Variants in PLCB4 observed in about 807,000 individuals in gnomAD.
PLCB4 encodes phospholipase C beta 4.
Under a neutral mutation model 178.8 loss-of-function variants are expected in PLCB4, and 77 were observed. The observed-to-expected ratio is 0.43, with a 90% confidence interval of 0.36 to 0.52. The LOEUF is 0.52. PLCB4 is among the 20% of genes least tolerant of loss of function. PLCB4 has a pLI of 0.00. For synonymous variants in PLCB4, 496 were observed against 490.8 expected, an observed-to-expected ratio of 1.01 and a Z score of -0.14; for missense variants, 1,024 against 1,453.4, an observed-to-expected ratio of 0.70 and a Z score of 4.80.
intron 1 of PLCB4, among the ~76,000 whole-genome samples, chr20:9,074,259 G>C (rs1169923929): frequency 6.6e-6 from 1 of 152,140 alleles, no homozygotes; most frequent in African/African-American, 2.4e-5. Flanking sequence ...ATGATACAGG[G>C]TACTGTTACT....
chr20:9,457,891 A>T (rs2043152798), intron 34 of PLCB4, among the ~76,000 whole-genome samples: 1 of 152,180 alleles, frequency 6.6e-6, no homozygotes, highest in Non-Finnish European at 1.5e-5. Context: ...TCCTAACTTT[A>T]CATGGAAATT....
At chr20:9,075,380 G>A (rs1046792744) in intron 1 of PLCB4, among the ~76,000 whole-genome samples, 1 of 152,138 alleles carries the variant, frequency 6.6e-6, no homozygotes, top group Non-Finnish European at 1.5e-5. Flanking sequence ...AAGAAATTGA[G>A]GATAAAACAA....
At chr20:9,298,218 C>A (rs941449888) in intron 3 of PLCB4, among the ~76,000 whole-genome samples, 2 of 152,164 alleles carry the variant, frequency 1.3e-5, no homozygotes, top group Non-Finnish European at 2.9e-5. Context: ...ATATCGTACC[C>A]ACTTTTGTCT....
chr20:9,120,306 T>C (rs538629036), intron 2 of PLCB4, among the ~76,000 whole-genome samples: 1 of 152,252 alleles, frequency 6.6e-6, no homozygotes, highest in East Asian at 1.9e-4. Context: ...CTTATTCAAA[T>C]TCCCATTTCA....
chr20:9,266,177 G>A (rs2094347109), intron 3 of PLCB4, among the ~76,000 whole-genome samples: 1 of 152,178 alleles, frequency 6.6e-6, no homozygotes, highest in Non-Finnish European at 1.5e-5. Flanking sequence ...GTCTCCTGAT[G>A]GGTCAACATT....
chr20:9,073,131 C>T lies in PLCB4; in HGVS notation c.-135+3925C>T, dbSNP rs189769526. Among the ~76,000 whole-genome samples the T allele has an allele frequency of 3.9e-5, 6 of 152,280 alleles. No homozygotes were observed. The South Asian group carries it at 1.0e-3, about 26-fold the overall frequency. The stretch of plus-strand genomic sequence containing the variant: ...AATCATGGCTTTAAGATACATTGCC[C>T]TTCTTGTCCTCCCGAACAATTAAAG... On this transcript the variant is annotated intron_variant, in intron 1 of 39. Coordinates refer to ENST00000378473, the MANE Select transcript of PLCB4 (RefSeq NM_001377142.1).
intron 12 of PLCB4, among the ~76,000 whole-genome samples, chr20:9,378,987 G>A (rs1425361245): frequency 2.0e-5 from 3 of 152,122 alleles, no homozygotes; most frequent in Non-Finnish European, 2.9e-5. Context: ...TTTTCAGTCC[G>A]TGCATATATT....
intron 2 of PLCB4, among the ~76,000 whole-genome samples, chr20:9,153,525 G>A (rs944416159): frequency 9.2e-5 from 14 of 152,034 alleles, no homozygotes; most frequent in African/African-American, 1.2e-4. Flanking sequence ...TCAACCTCCC[G>A]CCATGATTCT....
intron 13 of PLCB4, among the ~76,000 whole-genome samples, chr20:9,382,279 C>T (rs1030881751): frequency 1.3e-5 from 2 of 152,196 alleles, no homozygotes; most frequent in African/African-American, 2.4e-5. Flanking sequence ...TCCAAACCTT[C>T]ATCATCCCTC....
chr20:9,375,990 T>C (rs1434475494), intron 12 of PLCB4, among the ~76,000 whole-genome samples: 2 of 152,156 alleles, frequency 1.3e-5, no homozygotes, highest in Non-Finnish European at 2.9e-5. Flanking sequence ...ATTCATATAC[T>C]AATGTGTATC....
chr20:9,153,495 T>C (rs1360833068), intron 2 of PLCB4, among the ~76,000 whole-genome samples: 2 of 152,182 alleles, frequency 1.3e-5, no homozygotes, highest in Non-Finnish European at 2.9e-5. Flanking sequence ...CTCTTGCTGC[T>C]GCCATGTAAG....
At chr20:9,265,956 A>G (rs534935519) in intron 3 of PLCB4, among the ~76,000 whole-genome samples, 13 of 152,332 alleles carry the variant, frequency 8.5e-5, no homozygotes, top group African/African-American at 3.1e-4. Context: ...ATTTCGATGC[A>G]TGCTCAAATT....
At chr20:9,427,949 C>A (rs919960916) in intron 28 of PLCB4, among the ~76,000 whole-genome samples, 1 of 152,150 alleles carries the variant, frequency 6.6e-6, no homozygotes, top group African/African-American at 2.4e-5. Context: ...TTTGCCTCCT[C>A]TTCTACAACT....
chr20:9,417,941 C>T (rs1344857031), intron 25 of PLCB4, among the ~76,000 whole-genome samples: 1 of 152,096 alleles, frequency 6.6e-6, no homozygotes, highest in Non-Finnish European at 1.5e-5. Context: ...ATATTCATTT[C>T]TCTGATGACT....
chr20:9,093,178 A>C (rs1386746134), intron 1 of PLCB4, among the ~76,000 whole-genome samples: 4 of 152,238 alleles, frequency 2.6e-5, no homozygotes, highest in Admixed American at 1.3e-4. Flanking sequence ...GGCTGCATGA[A>C]TGTAAAATAT....
At chr20:9,365,772 A>AT (rs1225977639) in intron 9 of PLCB4, among the ~76,000 whole-genome samples, 1 of 152,194 alleles carries the variant, frequency 6.6e-6, no homozygotes, top group Non-Finnish European at 1.5e-5. Context: ...ATGTAGAACT[A>AT]TTTTTTAAAA....
At chr20:9,320,433 A>G (rs1018062701) in intron 4 of PLCB4, among the ~76,000 whole-genome samples, 3 of 152,278 alleles carry the variant, frequency 2.0e-5, no homozygotes, top group Middle Eastern at 3.4e-3. Context: ...CGGCTTCCTT[A>G]GTGCATCCTG....
At position 9,480,003 on chromosome 20, in the gene PLCB4, CCT is replaced by C. The variant is rs1181227395; in HGVS notation, c.*1001_*1002del. 1 of 151,508 alleles carries C rather than the reference CCT, an allele frequency of 6.6e-6. No homozygotes were observed. Among genetic ancestry groups the C allele is most frequent in the African/African-American group, 2.4e-5 (1 of 41,096 alleles). The allele number at this position is 151,508 out of a possible 1,614,324, so 9.4% of individuals were successfully genotyped here. On this transcript the variant is annotated 3_prime_UTR_variant, in exon 40 of 40. Coordinates refer to ENST00000378473, the MANE Select transcript of PLCB4 (RefSeq NM_001377142.1). Reference sequence around the variant, plus strand: ...CAAGACTTTTAGCATAATGAAAAACCCTCTCTCTATATATATATGTGTATATG... The same window carrying C: ...CAAGACTTTTAGCATAATGAAAAACCCTCTCTATATATATATGTGTATATG...
chr20:9,312,503 C>T (rs73897374), intron 4 of PLCB4, among the ~76,000 whole-genome samples: 2,438 of 152,090 alleles, frequency 0.016, 68 homozygotes, highest in African/African-American at 0.056. Context: ...TAAAGTCAGG[C>T]ACAGTGGGAC....
Sources: gnomAD v4.1 joint callset for allele counts (sites outside exome capture counted in the v4.1 genomes callset) on GRCh38, gnomAD v4.1.1 for gene constraint, MANE v1.5 for transcripts, NCBI Gene and HGNC (gene_info 2026-07-23, HGNC 2026-07-21) for gene names.